TIMD4: variants seen among roughly 807,000 people sequenced by gnomAD.
The protein encoded by TIMD4 is T cell immunoglobulin and mucin domain containing 4.
A neutral mutation model predicts 41.2 loss-of-function variants in TIMD4; 31 were observed. That is an observed-to-expected ratio of 0.75 (90% CI 0.57 to 1.01). TIMD4 has a LOEUF of 1.01. Among genes scored for constraint, TIMD4 ranks in the 50% least tolerant of loss-of-function variants. TIMD4 has a pLI of 0.00. For missense variants in TIMD4, 479 were observed against 472.5 expected, an observed-to-expected ratio of 1.01 and a Z score of -0.13; for synonymous variants, 204 against 177.1, an observed-to-expected ratio of 1.15 and a Z score of -1.21.
Position 156,941,190 on chromosome 5 carries a change from G to A in TIMD4, c.844+7226C>T, listed in dbSNP as rs1290444612. The stretch of plus-strand genomic sequence containing the variant: ...ACACAAACACTGCGGAAGGCCGCAG[G>A]GTCCTCTGCCTAGGAAAACCAGAGA... On this transcript the variant is annotated intron_variant, in intron 5 of 8. Coordinates refer to ENST00000274532, the MANE Select transcript of TIMD4 (RefSeq NM_138379.3). Among the ~76,000 whole-genome samples the A allele has an allele frequency of 3.9e-5, 6 of 151,902 alleles. No homozygotes were observed. The East Asian group carries it at 9.7e-4, about 24-fold the overall frequency.
Position 156,951,793 on chromosome 5 carries a change from G to A in TIMD4, c.401-3C>T. 1 of 1,613,832 alleles carries A rather than the reference G, an allele frequency of 6.2e-7. No homozygotes were observed. The highest frequency in any genetic ancestry group is 8.5e-7 in the Non-Finnish European group (1 of 1,179,816). ...TGTTCTGTGCGTGGTTGTTGAGGCT[G>A]TAACCAACAACAGACATGTTTGGCA... On this transcript the variant is annotated splice_region_variant and splice_polypyrimidine_tract_variant and intron_variant, in intron 2 of 8. Coordinates refer to ENST00000274532, the MANE Select transcript of TIMD4 (RefSeq NM_138379.3).
chr5:156,944,631 A>G (rs912514573), intron 5 of TIMD4, among the ~76,000 whole-genome samples: 1 of 151,070 alleles, frequency 6.6e-6, no homozygotes, highest in Non-Finnish European at 1.5e-5. Flanking sequence ...CAGCCTCCCA[A>G]GTAGCTGGGA....
intron 5 of TIMD4, among the ~76,000 whole-genome samples, chr5:156,938,443 G>A (rs1342152904): frequency 6.6e-6 from 1 of 152,090 alleles, no homozygotes; most frequent in African/African-American, 2.4e-5. Flanking sequence ...TGTGATTCCA[G>A]CACATGATCA....
At chr5:156,940,601 G>C (rs1019124885) in intron 5 of TIMD4, among the ~76,000 whole-genome samples, 2 of 142,126 alleles carry the variant, frequency 1.4e-5, no homozygotes, top group African/African-American at 3.0e-5. Flanking sequence ...GCCTCTGCCC[G>C]GCCGCCCCGT....
Position 156,951,501 on chromosome 5 carries a change from C to T in TIMD4, c.679+11G>A, listed in dbSNP as rs753069505. On this transcript the variant is annotated intron_variant, in intron 3 of 8. Coordinates refer to ENST00000274532, the MANE Select transcript of TIMD4 (RefSeq NM_138379.3). ...GCACTGTTCTAAGAAACCCAAGATACATCTGCGTACCTGCAGTGAGGATGG... is the reference window on the plus strand; with the variant it reads ...GCACTGTTCTAAGAAACCCAAGATATATCTGCGTACCTGCAGTGAGGATGG... The T allele has an allele frequency of 1.5e-5, 25 of 1,613,764 alleles. 1 individual carries two copies. The South Asian group carries it at 2.7e-4, about 18-fold the overall frequency.
intron 6 of TIMD4, chr5:156,924,044 C>T (rs777446681): frequency 1.1e-5 from 2 of 190,360 alleles, no homozygotes; most frequent in Non-Finnish European, 2.1e-5. Context: ...ACAGGGGTCT[C>T]GCCCTGTTGC....
chr5:156,951,562 G>C lies in TIMD4; in HGVS notation c.629C>G (p.Thr210Arg), dbSNP rs776045275. 1.1e-5 allele frequency: 18 copies of C among 1,614,174 alleles called. No individual in the cohort carries two copies. The highest frequency in any genetic ancestry group is 1.4e-5 in the Non-Finnish European group (16 of 1,180,030). Reference sequence around the variant, plus strand: ...AGAAGGCTCGGGAGTCAGAAGACCTGTGGCTTCCTCCGGAAGGGTGCTTGG... The same window carrying C: ...AGAAGGCTCGGGAGTCAGAAGACCTCTGGCTTCCTCCGGAAGGGTGCTTGG... The part of the protein sequence containing the change: ...LTPSTLPEEA[T>R]GLLTPEPSKE... Residue 210 changes from threonine to arginine, a missense_variant, in exon 3 of 9, where the codon ACA (threonine) becomes AGA (arginine). Thr to Arg is a moderately conservative substitution (Grantham distance 71). Transcript: ENST00000274532.
chr5:156,919,555 A>C lies in TIMD4; in HGVS notation c.1053-14T>G. The stretch of plus-strand genomic sequence containing the variant: ...ATGTAGTCTAGCCTGTAAACAGAAA[A>C]GAGGGGCTCATAATGGGAAACACAA... On this transcript the variant is annotated splice_polypyrimidine_tract_variant and intron_variant, in intron 8 of 8. Transcript: ENST00000274532. 1 of 1,607,246 alleles carries C rather than the reference A, an allele frequency of 6.2e-7. No homozygotes were observed. Among genetic ancestry groups the C allele is most frequent in the Non-Finnish European group, 8.5e-7 (1 of 1,174,276 alleles).
At position 156,951,884 on chromosome 5, in the gene TIMD4, C is replaced by G. The variant is rs575096559; in HGVS notation, c.401-94G>C. 4 of 1,537,912 alleles carry G rather than the reference C, an allele frequency of 2.6e-6. No homozygotes were observed. In the Admixed American group the frequency reaches 7.0e-5, roughly 27 times the overall value. On this transcript the variant is annotated intron_variant, in intron 2 of 8. Transcript: ENST00000274532. ...TCTGGGACCCATCCATTTCTGTTGT[C>G]CTCACCTGGTCCACTGGCCTGGACG...
Position 156,956,882 on chromosome 5 carries a change from A to G in TIMD4, c.59-2126T>C, listed in dbSNP as rs145769193. Among the ~76,000 whole-genome samples the G allele has an allele frequency of 4.1e-3, 630 of 152,304 alleles. 7 individuals are homozygous for G. The highest frequency in any genetic ancestry group is 0.014 in the African/African-American group (583 of 41,566). On this transcript the variant is annotated intron_variant, in intron 1 of 8. Transcript: ENST00000274532. ...TTGCTTATTTAGTTGGCTAAGTTATAGAAGGCATGGCCAGCAGTGCTGTGC... is the reference window on the plus strand; with the variant it reads ...TTGCTTATTTAGTTGGCTAAGTTATGGAAGGCATGGCCAGCAGTGCTGTGC...
intron 6 of TIMD4, chr5:156,924,267 T>C: frequency 2.6e-6 from 1 of 378,908 alleles, no homozygotes; most frequent in Non-Finnish European, 5.2e-6. Flanking sequence ...AGGGCTAATC[T>C]AAACATGCAG....
At chr5:156,922,495 C>T (rs182176241) in intron 6 of TIMD4, among the ~76,000 whole-genome samples, 354 of 152,320 alleles carry the variant, frequency 2.3e-3, no homozygotes, top group African/African-American at 8.3e-3. Context: ...CTTTCCTAGC[C>T]GCTGCTCAAA....
intron 5 of TIMD4, among the ~76,000 whole-genome samples, chr5:156,942,760 C>A (rs1759671203): frequency 6.6e-6 from 1 of 152,192 alleles, no homozygotes; most frequent in Non-Finnish European, 1.5e-5. Context: ...GAATGGCAAA[C>A]TGGACCACAG....
intron 8 of TIMD4, 96 bp from the exon 9 acceptor site, chr5:156,919,637 G>T: frequency 1.1e-6 from 1 of 935,794 alleles, no homozygotes; most frequent in Non-Finnish European, 1.7e-6. Flanking sequence ...TACCCTTAAA[G>T]TTCAAAGGGC....
intron 5 of TIMD4, among the ~76,000 whole-genome samples, chr5:156,934,588 G>T (rs1420285728): frequency 6.6e-6 from 1 of 152,040 alleles, no homozygotes; most frequent in Non-Finnish European, 1.5e-5. Flanking sequence ...TACCATGCCT[G>T]GCCAAATTAT....
intron 6 of TIMD4, 71 bp from the exon 7 acceptor site, chr5:156,922,287 C>A: frequency 2.7e-6 from 3 of 1,108,956 alleles, no homozygotes; most frequent in Admixed American, 1.8e-5. Context: ...GACATCCCAG[C>A]CCAATAGCAC....
intron 1 of TIMD4, 76 bp from the exon 2 acceptor site, chr5:156,954,832 T>C: frequency 8.1e-7 from 1 of 1,231,774 alleles, no homozygotes; most frequent in Non-Finnish European, 1.1e-6. Context: ...TTTGTGCTAA[T>C]AGATGCTTCC....
intron 3 of TIMD4, among the ~76,000 whole-genome samples, chr5:156,950,887 T>G (rs906990089): frequency 1.3e-5 from 2 of 151,976 alleles, no homozygotes; most frequent in Admixed American, 6.6e-5. Context: ...CTTGCAAGAC[T>G]CCTTAGAGGT....
intron 5 of TIMD4, among the ~76,000 whole-genome samples, chr5:156,944,670 A>C (rs1364263397): frequency 6.6e-6 from 1 of 151,760 alleles, no homozygotes; most frequent in African/African-American, 2.4e-5. Flanking sequence ...ACGCCTGGCT[A>C]ATTTTTTGTA....
Sources: gnomAD v4.1 joint callset for allele counts (sites outside exome capture counted in the v4.1 genomes callset) on GRCh38, gnomAD v4.1.1 for gene constraint, MANE v1.5 for transcripts, NCBI Gene and HGNC (gene_info 2026-07-23, HGNC 2026-07-21) for gene names.